DLG2: variants seen among roughly 807,000 people sequenced by gnomAD.
The protein encoded by DLG2 is disks large homolog 2.
In DLG2, 45 loss-of-function variants were observed where a neutral mutation model predicts 132.5. The ratio of observed to expected loss-of-function variants is 0.34; its 90% CI spans 0.27 to 0.44. The LOEUF (loss-of-function observed/expected upper bound fraction) is 0.44, where lower values mean the gene tolerates loss of function less well. Among genes scored for constraint, DLG2 ranks in the 20% least tolerant of loss-of-function variants. The pLI is 1.00. For synonymous variants in DLG2, 424 were observed against 419.6 expected, an observed-to-expected ratio of 1.01 and a Z score of -0.13; for missense variants, 1,045 against 1,196.9, an observed-to-expected ratio of 0.87 and a Z score of 1.87.
At chr11:83,469,014 T>C (rs895211137) in intron 25 of DLG2, among the ~76,000 whole-genome samples, 187 bp downstream of exon 25, 1 of 152,144 alleles carries the variant, frequency 6.6e-6, no homozygotes, top group African/African-American at 2.4e-5. Flanking sequence ...GTGAGAATAC[T>C]TTATTGAAAT....
intron 6 of DLG2, among the ~76,000 whole-genome samples, chr11:85,049,464 A>T (rs570649693): frequency 6.6e-6 from 1 of 152,156 alleles, no homozygotes; most frequent in East Asian, 1.9e-4. Context: ...CCTCAATCTG[A>T]ACATTATTGA....
At chr11:83,787,117 A>G (rs773766136) in intron 17 of DLG2, among the ~76,000 whole-genome samples, 23 of 152,080 alleles carry the variant, frequency 1.5e-4, no homozygotes, top group Non-Finnish European at 2.4e-4. Flanking sequence ...TGAGCCTTCA[A>G]AATTAGAGGG....
chr11:85,059,153 A>G (rs1055626003), intron 6 of DLG2, among the ~76,000 whole-genome samples: 2 of 151,226 alleles, frequency 1.3e-5, no homozygotes, highest in Admixed American at 1.3e-4. Context: ...AGTAAAATAA[A>G]TAAGATAAAA....
At chr11:84,196,126 C>A (rs1374488381) in intron 8 of DLG2, among the ~76,000 whole-genome samples, 2 of 152,116 alleles carry the variant, frequency 1.3e-5, no homozygotes, top group East Asian at 1.9e-4. Context: ...AAAAATTTAA[C>A]CCCAATTTCA....
chr11:84,902,905 G>A (rs2091064324), intron 6 of DLG2, among the ~76,000 whole-genome samples: 1 of 152,148 alleles, frequency 6.6e-6, no homozygotes. Flanking sequence ...ATAGCTCACA[G>A]TTATTGTCTT....
chr11:84,080,992 CAAAA>C (rs10707492), intron 10 of DLG2, among the ~76,000 whole-genome samples: 6 of 137,120 alleles, frequency 4.4e-5, no homozygotes, highest in Admixed American at 7.3e-5. Context: ...AACTCTGTCT[CAAAA>C]AAAAAAAAAA....
intron 4 of DLG2, among the ~76,000 whole-genome samples, chr11:85,171,831 A>G (rs2078899059): frequency 6.6e-6 from 1 of 152,216 alleles, no homozygotes; most frequent in Admixed American, 6.5e-5. Context: ...ACAATACAGC[A>G]TAGCTGCCAT....
intron 18 of DLG2, among the ~76,000 whole-genome samples, chr11:83,638,429 C>T (rs1337147000): frequency 2.0e-5 from 3 of 152,104 alleles, no homozygotes; most frequent in African/African-American, 4.8e-5. Context: ...TTGGACCTAC[C>T]TCAAGATCTG....
intron 3 of DLG2, among the ~76,000 whole-genome samples, chr11:85,381,805 G>T (rs1210394282): frequency 6.6e-6 from 1 of 151,762 alleles, no homozygotes; most frequent in African/African-American, 2.4e-5. Flanking sequence ...AGTAAAGCTT[G>T]CACACTAAAA....
At chr11:85,407,385 C>G (rs2088855527) in intron 3 of DLG2, among the ~76,000 whole-genome samples, 1 of 151,790 alleles carries the variant, frequency 6.6e-6, no homozygotes, top group African/African-American at 2.4e-5. Context: ...AACTTAGGCT[C>G]TGGAGTCAAA....
At chr11:83,513,130 C>G (rs1286507245) in intron 21 of DLG2, among the ~76,000 whole-genome samples, 13 of 152,216 alleles carry the variant, frequency 8.5e-5, no homozygotes, top group African/African-American at 3.1e-4. Flanking sequence ...AATGGTTGAA[C>G]CAGTTTATAG....
At chr11:85,282,033 A>T (rs573401467) in intron 4 of DLG2, among the ~76,000 whole-genome samples, 40 of 152,102 alleles carry the variant, frequency 2.6e-4, no homozygotes, top group East Asian at 7.7e-4. Context: ...GACTAAAAAA[A>T]AAATAAATAA....
At chr11:85,114,507 G>A (rs1461313713) in intron 5 of DLG2, among the ~76,000 whole-genome samples, 1 of 151,958 alleles carries the variant, frequency 6.6e-6, no homozygotes, top group African/African-American at 2.4e-5. Flanking sequence ...AGTGATATGT[G>A]ACTAGACCAG....
chr11:84,065,177 A>G (rs1382391236), intron 10 of DLG2, among the ~76,000 whole-genome samples: 18 of 152,210 alleles, frequency 1.2e-4, no homozygotes, highest in Admixed American at 1.2e-3. Context: ...TTCATGATAA[A>G]GATGCCAAAA....
chr11:84,183,250 T>A (rs1007656397), intron 8 of DLG2, among the ~76,000 whole-genome samples: 1 of 152,140 alleles, frequency 6.6e-6, no homozygotes, highest in South Asian at 2.1e-4. Context: ...ACTTTCTAAC[T>A]CATAAAATGT....
intron 6 of DLG2, among the ~76,000 whole-genome samples, chr11:84,816,171 C>T (rs1598764934): frequency 1.3e-5 from 2 of 151,958 alleles, no homozygotes; most frequent in Non-Finnish European, 2.9e-5. Context: ...CGTTTTCTGC[C>T]ACCTGAAGCA....
At chr11:84,077,427 C>G (rs987669324) in intron 10 of DLG2, among the ~76,000 whole-genome samples, 2 of 152,196 alleles carry the variant, frequency 1.3e-5, no homozygotes, top group Non-Finnish European at 2.9e-5. Flanking sequence ...CCTTGAAACA[C>G]TCTTCTGCAT....
chr11:84,358,361 G>A (rs2098630134), intron 7 of DLG2, among the ~76,000 whole-genome samples: 1 of 138,016 alleles, frequency 7.2e-6, no homozygotes, highest in African/African-American at 2.8e-5. Flanking sequence ...GCAAGTCCCA[G>A]TATTTTTTTT....
intron 6 of DLG2, chr11:84,997,634 T>C (rs767452844): frequency 6.6e-6 from 1 of 152,228 alleles, no homozygotes; most frequent in East Asian, 1.9e-4. Flanking sequence ...GTGTCCCATA[T>C]AGCCAACCCC....
Sources: allele counts gnomAD v4.1 joint callset (sites outside exome capture counted in the v4.1 genomes callset), GRCh38; gene constraint gnomAD v4.1.1; transcripts MANE v1.5; gene names NCBI Gene and HGNC (gene_info 2026-07-23, HGNC 2026-07-21).